PATL1: variants seen among roughly 807,000 people sequenced by gnomAD.
PATL1 encodes PAT1 homolog 1, processing body mRNA decay factor.
Under a neutral mutation model 100.6 loss-of-function variants are expected in PATL1, and 32 were observed. The observed-to-expected ratio is 0.32, with a 90% CI of 0.24 to 0.43. The LOEUF is 0.43. PATL1 is among the 20% of genes least tolerant of loss of function. PATL1 has a pLI of 1.00. For synonymous variants in PATL1, 332 were observed against 330.0 expected (o/e 1.01, Z -0.07); for missense variants, 747 against 949.9 (o/e 0.79, Z 2.81).
At chr11:59,647,968 A>AT in intron 14 of PATL1, 55 bp from the exon 15 acceptor site, 12 of 1,507,178 alleles carry the variant, frequency 8.0e-6, no homozygotes, top group Non-Finnish European at 9.9e-6. Context: ...AGAAACCCTC[A>AT]TTTTTTTCCT....
At chr11:59,642,779 C>T in intron 16 of PATL1, 101 bp downstream of exon 16, 1 of 1,292,526 alleles carries the variant, frequency 7.7e-7, no homozygotes, top group South Asian at 1.6e-5. Flanking sequence ...CTGAAAGAAG[C>T]CTTTTTCCCA....
In PATL1 at chr11:59,668,913, G is replaced by A; in HGVS notation, c.-18C>T. On this transcript the variant is annotated 5_prime_UTR_variant, in exon 1 of 19. Transcript: ENST00000300146. Reference sequence around the variant, plus strand: ...CGGAACATTCTTGGGGAGGGGGGCAGGGAGCGGGGAGGGGAGAGGGGGAGG... The same window carrying A: ...CGGAACATTCTTGGGGAGGGGGGCAAGGAGCGGGGAGGGGAGAGGGGGAGG... The A allele has an allele frequency of 4.6e-6, 3 of 654,656 alleles. No individual in the cohort carries two copies. The highest frequency in any genetic ancestry group is 4.7e-6 in the Non-Finnish European group (2 of 426,430). The allele number at this position is 654,656 out of a possible 1,614,324, so 40.6% of individuals were successfully genotyped here.
chr11:59,668,424 G>A (rs1861722930), intron 1 of PATL1, among the ~76,000 whole-genome samples: 1 of 152,198 alleles, frequency 6.6e-6, no homozygotes, highest in African/African-American at 2.4e-5. Context: ...TTCACCTGAA[G>A]GTAGCCTGTG....
At chr11:59,658,681 A>G (rs1861578046) in intron 4 of PATL1, among the ~76,000 whole-genome samples, 185 bp downstream of exon 4, 1 of 152,142 alleles carries the variant, frequency 6.6e-6, no homozygotes, top group African/African-American at 2.4e-5. Context: ...TTTAAATTCC[A>G]ATGGCTCCCT....
chr11:59,668,773 C>G (rs1024609862), intron 1 of PATL1, 108 bp downstream of exon 1: 3 of 604,596 alleles, frequency 5.0e-6, no homozygotes, highest in Non-Finnish European at 8.8e-6. Flanking sequence ...TGCGACTCCC[C>G]CAGCCCGCCC....
chr11:59,639,504 G>A, intron 16 of PATL1, 121 bp from the exon 17 acceptor site: 1 of 719,202 alleles, frequency 1.4e-6, no homozygotes, highest in South Asian at 1.8e-5. Flanking sequence ...TCACTACTGT[G>A]CTTTTCTGTA....
At position 59,649,488 on chromosome 11, in the gene PATL1, T is replaced by C; in HGVS notation, c.1707A>G (p.Leu569=). The change falls in exon 14 of 19, where the codon TTA becomes TTG. Residue 569 remains leucine (L), a synonymous_variant. Coordinates refer to ENST00000300146, the MANE Select transcript of PATL1 (RefSeq NM_152716.3). ...TCTCTTGTCCAGGCAATTTCCCCCT[T>C]AAGTTGTCATACATGCTACAAATTT... ...KHKICSMYDN[L]RGKLPGQERP... is the part of the protein sequence containing the mutation. 6.2e-6 allele frequency: 10 copies of C among 1,613,936 alleles called. No individual in the cohort carries two copies. Among genetic ancestry groups the C allele is most frequent in the Non-Finnish European group, 8.5e-6 (10 of 1,179,862 alleles).
chr11:59,662,013 T>C (rs1328877923), intron 2 of PATL1, among the ~76,000 whole-genome samples: 1 of 152,198 alleles, frequency 6.6e-6, no homozygotes, highest in East Asian at 1.9e-4. Flanking sequence ...TTAAATAAAC[T>C]AATTTCCTTT....
chr11:59,644,370 A>G (rs1466972821), intron 15 of PATL1, among the ~76,000 whole-genome samples: 1 of 152,080 alleles, frequency 6.6e-6, no homozygotes, highest in East Asian at 1.9e-4. Flanking sequence ...ATCATCTAGT[A>G]TCTGTTTCAA....
In PATL1 at chr11:59,655,756, A is replaced by T; in HGVS notation, c.814-16T>A. 2 of 1,564,526 alleles carry T rather than the reference A, an allele frequency of 1.3e-6. No homozygotes were observed. The highest frequency in any genetic ancestry group is 1.7e-6 in the Non-Finnish European group (2 of 1,152,040). ...CAGGCTGTAGCTACAAAGAGGAAGA[A>T]GATCTTAGATTTAGACAATCAGCAA... On this transcript the variant is annotated splice_polypyrimidine_tract_variant and intron_variant, in intron 7 of 18. Coordinates refer to ENST00000300146, the MANE Select transcript of PATL1 (RefSeq NM_152716.3).
intron 2 of PATL1, among the ~76,000 whole-genome samples, chr11:59,664,257 G>A (rs1017680890): frequency 1.3e-5 from 2 of 151,960 alleles, no homozygotes; most frequent in African/African-American, 2.4e-5. Context: ...ATACCGTTCC[G>A]GACACTCTAA....
chr11:59,655,814 A>T, intron 7 of PATL1, 74 bp from the exon 8 acceptor site: 1 of 1,430,024 alleles, frequency 7.0e-7, no homozygotes, highest in Non-Finnish European at 9.6e-7. Context: ...AAAAGTGAAT[A>T]CGGTTTTCCA....
chr11:59,647,704 T>G, intron 15 of PATL1, 50 bp downstream of exon 15: 2 of 1,580,074 alleles, frequency 1.3e-6, no homozygotes, highest in South Asian at 2.2e-5. Flanking sequence ...TCTAGAAATC[T>G]TATCACTTAT....
intron 15 of PATL1, among the ~76,000 whole-genome samples, chr11:59,646,332 C>T (rs1209834003): frequency 3.0e-5 from 4 of 132,146 alleles, no homozygotes; most frequent in African/African-American, 1.1e-4. Flanking sequence ...ACTACTGTGT[C>T]CAGCTCATTT....
chr11:59,667,120 G>A (rs1861702007), intron 1 of PATL1, 156 bp from the exon 2 acceptor site: 10 of 971,556 alleles, frequency 1.0e-5, no homozygotes, highest in Non-Finnish European at 1.1e-5. Flanking sequence ...CAATTTCCCT[G>A]ACACTGGAAG....
intron 2 of PATL1, among the ~76,000 whole-genome samples, chr11:59,662,516 T>G (rs1290928679): frequency 6.6e-6 from 1 of 152,202 alleles, no homozygotes. Flanking sequence ...TTAATTTAAA[T>G]GACTAGTCAT....
At position 59,658,966 on chromosome 11, in the gene PATL1, T is replaced by C. The variant is rs1209966173; in HGVS notation, c.346-20A>G. ...TTGGGGCTAACAAAAAAGGAAAACA[T>C]ACAGAGTCTGAAATGTTGTATACTC... On this transcript the variant is annotated intron_variant, in intron 3 of 18. Coordinates refer to ENST00000300146, the MANE Select transcript of PATL1 (RefSeq NM_152716.3). 1.3e-6 allele frequency: 2 copies of C among 1,537,174 alleles called. No homozygotes were observed. The highest frequency in any genetic ancestry group is 1.2e-5 in the South Asian group (1 of 82,142).
At chr11:59,661,218 T>G (rs146587627) in intron 2 of PATL1, among the ~76,000 whole-genome samples, 52 of 152,234 alleles carry the variant, frequency 3.4e-4, no homozygotes, top group Admixed American at 9.8e-4. Context: ...CCCAAGTAAC[T>G]GGAACTACAG....
Position 59,653,968 on chromosome 11 carries a change from C to T in PATL1, c.1121+15G>A, listed in dbSNP as rs370487448. 20 of 1,590,904 alleles carry T rather than the reference C, an allele frequency of 1.3e-5. 1 individual carries two copies. Among genetic ancestry groups the T allele is most frequent in the South Asian group, 3.3e-5 (3 of 90,426 alleles). Reference sequence around the variant, plus strand: ...CTGAATTAAGAAGCCATAAAGGAATCGGATGAGTACTTACCTTCTATTCTG... The same window carrying T: ...CTGAATTAAGAAGCCATAAAGGAATTGGATGAGTACTTACCTTCTATTCTG... On this transcript the variant is annotated intron_variant, in intron 9 of 18. Coordinates refer to ENST00000300146, the MANE Select transcript of PATL1 (RefSeq NM_152716.3).
Sources: allele counts gnomAD v4.1 joint callset (sites outside exome capture counted in the v4.1 genomes callset), GRCh38; gene constraint gnomAD v4.1.1; transcripts MANE v1.5; gene names NCBI Gene and HGNC (gene_info 2026-07-23, HGNC 2026-07-21).